RNF13: variants seen among roughly 807,000 people sequenced by gnomAD.
The protein encoded by RNF13 is E3 ubiquitin-protein ligase RNF13.
A neutral mutation model predicts 37.7 loss-of-function variants in RNF13; 19 were observed. The ratio of observed to expected loss-of-function variants is 0.50; its 90% CI spans 0.35 to 0.74. RNF13 has a LOEUF of 0.74. RNF13 is among the 30% of genes least tolerant of loss of function. RNF13 has a pLI of 0.01. For missense variants in RNF13, 375 were observed against 453.0 expected (o/e 0.83, Z 1.56); for synonymous variants, 144 against 157.8 (o/e 0.91, Z 0.65).
At chr3:149,836,656 T>C (rs993134542) in intron 1 of RNF13, among the ~76,000 whole-genome samples, 4 of 152,056 alleles carry the variant, frequency 2.6e-5, no homozygotes, top group Non-Finnish European at 4.4e-5. Context: ...AATTACCATA[T>C]GATCCAGCAA....
At chr3:149,825,390 C>G (rs1375188254) in intron 1 of RNF13, among the ~76,000 whole-genome samples, 1 of 152,186 alleles carries the variant, frequency 6.6e-6, no homozygotes, top group East Asian at 1.9e-4. Context: ...TCTCAAACTC[C>G]TGACCTCAGG....
At chr3:149,854,507 C>A (rs1723453540) in intron 3 of RNF13, among the ~76,000 whole-genome samples, 1 of 152,120 alleles carries the variant, frequency 6.6e-6, no homozygotes, top group South Asian at 2.1e-4. Flanking sequence ...TTAATTCTTA[C>A]AATGGAATCC....
chr3:149,936,763 G>T (rs937315801), intron 8 of RNF13, among the ~76,000 whole-genome samples: 23 of 152,122 alleles, frequency 1.5e-4, no homozygotes, highest in African/African-American at 5.1e-4. Context: ...GTGGTTCCCT[G>T]TTTGATGTTG....
intron 8 of RNF13, among the ~76,000 whole-genome samples, chr3:149,956,477 T>A (rs1203210606): frequency 2.0e-5 from 3 of 152,224 alleles, no homozygotes; most frequent in Non-Finnish European, 4.4e-5. Flanking sequence ...AGTCTTGTTA[T>A]GAAGGGCCAA....
chr3:149,858,495 TAAGG>T (rs1208247075), intron 3 of RNF13, among the ~76,000 whole-genome samples: 2 of 152,222 alleles, frequency 1.3e-5, no homozygotes, highest in Non-Finnish European at 2.9e-5. Context: ...TTATCTCTGA[TAAGG>T]AAGCTTTGAT....
intron 3 of RNF13, among the ~76,000 whole-genome samples, chr3:149,867,066 CTGGA>C (rs1191512530): frequency 5.9e-5 from 9 of 152,096 alleles, no homozygotes; most frequent in Admixed American, 6.6e-5. Context: ...GATTTTCTGT[CTGGA>C]TGATCTGTAC....
intron 8 of RNF13, among the ~76,000 whole-genome samples, chr3:149,954,172 T>C (rs1721626565): frequency 6.6e-6 from 1 of 152,134 alleles, no homozygotes; most frequent in South Asian, 2.1e-4. Flanking sequence ...CTAGTGGTTT[T>C]GACAAGGTAT....
intron 7 of RNF13, among the ~76,000 whole-genome samples, chr3:149,912,674 C>T (rs1229496263): frequency 6.6e-6 from 1 of 151,900 alleles, no homozygotes; most frequent in East Asian, 1.9e-4. Context: ...TAAAATTCAA[C>T]TCTTCTGTAT....
intron 4 of RNF13, 26 bp downstream of exon 4, chr3:149,872,180 G>A (rs1439840348): frequency 6.9e-7 from 1 of 1,458,326 alleles, no homozygotes. Flanking sequence ...TTCATTTTTT[G>A]TTTCCTATTT....
At chr3:149,816,477 A>G (rs1349413144) in intron 1 of RNF13, among the ~76,000 whole-genome samples, 1 of 150,878 alleles carries the variant, frequency 6.6e-6, no homozygotes, top group East Asian at 1.9e-4. Context: ...TTTGTGAAGC[A>G]ATCAGATGGC....
chr3:149,922,096 T>TC (rs1219552321), intron 8 of RNF13, among the ~76,000 whole-genome samples: 1 of 151,978 alleles, frequency 6.6e-6, no homozygotes, highest in African/African-American at 2.4e-5. Flanking sequence ...GCCTCAGCCT[T>TC]CCGAGTAGCT....
At chr3:149,896,707 G>A (rs1028017246) in intron 5 of RNF13, among the ~76,000 whole-genome samples, 6 of 151,986 alleles carry the variant, frequency 3.9e-5, no homozygotes, top group East Asian at 1.9e-4. Flanking sequence ...TTGAACTCCC[G>A]ACCTCAGGTG....
chr3:149,898,125 ATTAT>A (rs1715460857), intron 5 of RNF13, among the ~76,000 whole-genome samples: 1 of 152,184 alleles, frequency 6.6e-6, no homozygotes, highest in African/African-American at 2.4e-5. Flanking sequence ...AATTTTGATA[ATTAT>A]TTGACCTGAC....
At chr3:149,887,774 A>G (rs1576825295) in intron 4 of RNF13, among the ~76,000 whole-genome samples, 1 of 152,160 alleles carries the variant, frequency 6.6e-6, no homozygotes, top group Non-Finnish European at 1.5e-5. Context: ...CTTCAGTACA[A>G]TGTTGAATAG....
chr3:149,920,790 C>T (rs200352028), intron 7 of RNF13, among the ~76,000 whole-genome samples: 343 of 123,828 alleles, frequency 2.8e-3, no homozygotes, highest in East Asian at 5.1e-3. Flanking sequence ...CCTTCCCATT[C>T]TTTTTTTTTT....
At chr3:149,898,820 AGG>A (rs1715524098) in intron 5 of RNF13, among the ~76,000 whole-genome samples, 2 of 152,210 alleles carry the variant, frequency 1.3e-5, no homozygotes, top group South Asian at 4.1e-4. Flanking sequence ...TATCAGCATA[AGG>A]GGATATAGAA....
chr3:149,853,455 G>GGGGAGAGAGAGAGA (rs1460906997), intron 3 of RNF13, among the ~76,000 whole-genome samples: 1 of 117,262 alleles, frequency 8.5e-6, no homozygotes, highest in Non-Finnish European at 1.8e-5. Flanking sequence ...AGAGAGAGAG[G>GGGGAGAGAGAGAGA]GAGAGAGAGA....
chr3:149,855,273 C>G (rs1235287304), intron 3 of RNF13, among the ~76,000 whole-genome samples: 1 of 152,106 alleles, frequency 6.6e-6, no homozygotes. Flanking sequence ...GAGCCGCGAT[C>G]AAGCCATTGC....
intron 3 of RNF13, among the ~76,000 whole-genome samples, chr3:149,858,245 T>C (rs908599932): frequency 2.0e-5 from 3 of 152,210 alleles, no homozygotes; most frequent in African/African-American, 7.2e-5. Context: ...TCAGGTGTGC[T>C]GTTATAGAAA....
Sources: gnomAD v4.1 joint callset for allele counts (sites outside exome capture counted in the v4.1 genomes callset) on GRCh38, gnomAD v4.1.1 for gene constraint, MANE v1.5 for transcripts, NCBI Gene and HGNC (gene_info 2026-07-23, HGNC 2026-07-21) for gene names.